Variants in CERS5 observed in about 807,000 individuals in gnomAD.
CERS5 encodes ceramide synthase 5, also known as LAG1 homolog, ceramide synthase 5.
A neutral mutation model predicts 58.9 loss-of-function variants in CERS5; 37 were observed. The observed-to-expected ratio is 0.63, with a 90% CI of 0.48 to 0.83. CERS5 has a LOEUF of 0.83. Ranked by LOEUF, CERS5 falls within the 40% of genes least tolerant of loss-of-function variation. CERS5 has a pLI of 0.00. For synonymous variants in CERS5, 147 were observed against 177.8 expected (o/e 0.83, Z 1.38); for missense variants, 398 against 489.3 (o/e 0.81, Z 1.76).
At chr12:50,133,427 C>G in intron 9 of CERS5, 1 of 1,006,554 alleles carries the variant, frequency 9.9e-7, no homozygotes, top group Non-Finnish European at 1.2e-6. Context: ...AGGACACTTG[C>G]CTCATACACT....
chr12:50,136,188 A>G (rs11169282), intron 6 of CERS5, 119 bp from the exon 7 acceptor site: 320,817 of 926,340 alleles, frequency 0.35, 57,257 homozygotes, highest in South Asian at 0.38. Flanking sequence ...AATAGTTTCC[A>G]TTGGCCGGGC....
chr12:50,167,354 CG>C lies in CERS5; in HGVS notation c.-58del, dbSNP rs1320785700. 9.0e-6 allele frequency: 13 copies of C among 1,447,946 alleles called. No individual in the cohort carries two copies. The Middle Eastern group carries it at 6.5e-4, about 73-fold the overall frequency. The allele number at this position is 1,447,946 out of a possible 1,614,324, so 89.7% of individuals were successfully genotyped here. Reference sequence around the variant, plus strand: ...AAGCGTCAGCTGCCGCCACAGCCAACGGAACCCGCGGGGAGGCGGCCCCAGG... The same window carrying C: ...AAGCGTCAGCTGCCGCCACAGCCAACGAACCCGCGGGGAGGCGGCCCCAGG... On this transcript the variant is annotated 5_prime_UTR_variant, in exon 1 of 10. Coordinates refer to ENST00000317551, the MANE Select transcript of CERS5 (RefSeq NM_147190.5).
In CERS5 at chr12:50,167,316, C is replaced by G. The variant is rs1401365004; in HGVS notation, c.-19G>C. On this transcript the variant is annotated 5_prime_UTR_variant, in exon 1 of 10. Coordinates refer to ENST00000317551, the MANE Select transcript of CERS5 (RefSeq NM_147190.5). ...TCGCCATCTTACGCCCACCCCGAAG[C>G]CACCGCCGCCACAAGCGTCAGCTGC... 2 of 1,465,028 alleles carry G rather than the reference C, an allele frequency of 1.4e-6. No individual in the cohort carries two copies. Among genetic ancestry groups the G allele is most frequent in the Non-Finnish European group, 1.8e-6 (2 of 1,115,830 alleles). The allele number at this position is 1,465,028 out of a possible 1,614,324, so 90.8% of individuals were successfully genotyped here.
At chr12:50,135,308 A>AGTGTGTGT (rs56858635) in intron 8 of CERS5, 93 of 168,996 alleles carry the variant, frequency 5.5e-4, no homozygotes, top group African/African-American at 1.3e-3. Context: ...GAGAGAGAGG[A>AGTGTGTGT]GTGTGTGTGT....
At chr12:50,154,163 G>A in intron 1 of CERS5, 1 of 285,494 alleles carries the variant, frequency 3.5e-6, no homozygotes, top group South Asian at 2.7e-5. Flanking sequence ...GACCATCCTG[G>A]CCAACATGGT....
At chr12:50,135,698 A>C in intron 8 of CERS5, 34 bp downstream of exon 8, 2 of 1,447,570 alleles carry the variant, frequency 1.4e-6, no homozygotes, top group Non-Finnish European at 1.9e-6. Flanking sequence ...CATTAGGCTC[A>C]TACCTACCAC....
chr12:50,130,794 G>C (rs1241624945), intron 9 of CERS5, 100 bp from the exon 10 acceptor site: 7 of 1,061,184 alleles, frequency 6.6e-6, no homozygotes. Context: ...AGTCTGGTCT[G>C]CTTTCTGATG....
intron 1 of CERS5, among the ~76,000 whole-genome samples, chr12:50,149,874 CT>C (rs1190010537): frequency 1.3e-5 from 2 of 152,092 alleles, no homozygotes; most frequent in Non-Finnish European, 2.9e-5. Context: ...CAAGTAGTAG[CT>C]GGGACTACAG....
Position 50,130,665 on chromosome 12 carries a change from C to A in CERS5, c.1059G>T (p.Glu353Asp). ...KVSKDDRSDV[E>D]SSSEEEDVTT... The stretch of plus-strand genomic sequence containing the variant: ...TCACATCTTCTTCCTCTGAGCTGCT[C>A]TCCACATCACTGCGATCATCCTTCG... The change falls in exon 10 of 10, where the codon GAG becomes GAT. Residue 353 changes from glutamate to aspartate, a missense_variant. Coordinates refer to ENST00000317551, the MANE Select transcript of CERS5 (RefSeq NM_147190.5). 6.2e-7 allele frequency: 1 copy of A among 1,605,690 alleles called. No homozygotes were observed. The highest frequency in any genetic ancestry group is 8.5e-7 in the Non-Finnish European group (1 of 1,173,354).
intron 1 of CERS5, among the ~76,000 whole-genome samples, chr12:50,146,376 CTT>C (rs908205305): frequency 2.6e-5 from 4 of 152,176 alleles, no homozygotes; most frequent in African/African-American, 9.7e-5. Context: ...AAGAAATACT[CTT>C]TGATATAACA....
chr12:50,136,377 G>A (rs190847257), intron 6 of CERS5, among the ~76,000 whole-genome samples: 2 of 152,152 alleles, frequency 1.3e-5, no homozygotes, highest in African/African-American at 4.8e-5. Flanking sequence ...GGAGGCTGAG[G>A]CAGGAGAATT....
At chr12:50,134,304 T>A in intron 9 of CERS5, 1 of 959,968 alleles carries the variant, frequency 1.0e-6, no homozygotes, top group Non-Finnish European at 1.4e-6. Flanking sequence ...CAAGCCCAGG[T>A]GTGAGGCTGC....
At chr12:50,140,284 A>T (rs1001295250) in intron 4 of CERS5, among the ~76,000 whole-genome samples, 117 of 96,246 alleles carry the variant, frequency 1.2e-3, no homozygotes, top group Middle Eastern at 5.6e-3. Context: ...TAACTTCCAA[A>T]TTTTTTTTTT....
At chr12:50,143,313 G>A (rs1387465539) in intron 2 of CERS5, 109 bp from the exon 3 acceptor site, 3 of 1,325,804 alleles carry the variant, frequency 2.3e-6, no homozygotes, top group African/African-American at 2.9e-5. Flanking sequence ...CTCAAGTGAT[G>A]TTTATCTTTC....
At chr12:50,148,421 C>A (rs1411418963) in intron 1 of CERS5, 2 of 217,820 alleles carry the variant, frequency 9.2e-6, no homozygotes, top group Non-Finnish European at 2.0e-5. Flanking sequence ...CATGGTGAAA[C>A]CCCATCTCTA....
chr12:50,143,236 G>A (rs201149851), intron 2 of CERS5, 32 bp from the exon 3 acceptor site: 34 of 1,612,924 alleles, frequency 2.1e-5, no homozygotes, highest in East Asian at 8.9e-5. Context: ...CAGAACACCC[G>A]TCTCCTCATA....
In CERS5 at chr12:50,145,672, A is replaced by G. The variant is rs866669263; in HGVS notation, c.198-1615T>C. The stretch of plus-strand genomic sequence containing the variant: ...TTCTCTTTTACACCGGTGGGGGGGA[A>G]AAAAAAAATAGTTCCATTCAAAGGC... On this transcript the variant is annotated intron_variant, in intron 1 of 9. Transcript: ENST00000317551. Among the ~76,000 whole-genome samples the G allele has an allele frequency of 4.4e-3, 550 of 126,092 alleles. 4 individuals are homozygous for G. The highest frequency in any genetic ancestry group is 5.9e-3 in the Non-Finnish European group (325 of 54,710). 82.7% of individuals were successfully genotyped at this position (126,092 alleles called of 152,430 possible).
chr12:50,153,769 A>G (rs1333422144), intron 1 of CERS5: 1 of 296,370 alleles, frequency 3.4e-6, no homozygotes, highest in East Asian at 1.5e-4. Context: ...AGCCTGGCCA[A>G]TATGGTGAAA....
rs1952098035 is a variant in CERS5, at chr12:50,143,571, A to T, written c.304-367T>A. 2.0e-5 allele frequency: 5 copies of T among 250,680 alleles called. No homozygotes were observed. The South Asian group carries it at 4.1e-4, about 21-fold the overall frequency. The allele number at this position is 250,680 out of a possible 1,614,324, so 15.5% of individuals were successfully genotyped here. On this transcript the variant is annotated intron_variant, in intron 2 of 9. Transcript: ENST00000317551. ...AGACCAGCCTGGGCAACATGGCAAAACCTTGTCTCTCCAAAAAACAAAAAA... is the reference window on the plus strand; with the variant it reads ...AGACCAGCCTGGGCAACATGGCAAATCCTTGTCTCTCCAAAAAACAAAAAA...
Sources: allele counts gnomAD v4.1 joint callset (sites outside exome capture counted in the v4.1 genomes callset), GRCh38; gene constraint gnomAD v4.1.1; transcripts MANE v1.5; gene names NCBI Gene and HGNC (gene_info 2026-07-23, HGNC 2026-07-21).